The following PRMT8 variants were observed in gnomAD, a reference collection of about 807,000 sequenced individuals.
The protein encoded by PRMT8 is protein arginine N-methyltransferase 8.
A neutral mutation model predicts 47.1 loss-of-function variants in PRMT8; 7 were observed. That is an observed-to-expected ratio of 0.15 (90% CI 0.08 to 0.28). PRMT8 has a LOEUF of 0.28. Ranked by LOEUF, PRMT8 falls within the 10% of genes least tolerant of loss-of-function variation. PRMT8 has a pLI of 1.00. For synonymous variants in PRMT8, 188 were observed against 186.5 expected, an observed-to-expected ratio of 1.01 and a Z score of -0.07; for missense variants, 237 against 505.4, an observed-to-expected ratio of 0.47 and a Z score of 5.09.
intron 1 of PRMT8, among the ~76,000 whole-genome samples, chr12:3,410,864 C>T (rs1186013698): frequency 2.6e-5 from 4 of 152,182 alleles, no homozygotes; most frequent in Non-Finnish European, 5.9e-5. Context: ...CATAGCAATC[C>T]TGGTAGTAAA....
In PRMT8 at chr12:3,549,925, C is replaced by G. The variant is rs373812899; in HGVS notation, c.262-11C>G. 1.9e-6 allele frequency: 3 copies of G among 1,612,444 alleles called. No individual in the cohort carries two copies. In the African/African-American group the frequency reaches 4.0e-5, roughly 22 times the overall value. On this transcript the variant is annotated splice_polypyrimidine_tract_variant and intron_variant, in intron 2 of 9. Coordinates refer to ENST00000382622, the MANE Select transcript of PRMT8 (RefSeq NM_019854.5). Reference sequence around the variant, plus strand: ...TTCACTGACATTTCCTTTCTTTTCCCTCCATCACAGGAAATGCTGAAGGAT... The same window carrying G: ...TTCACTGACATTTCCTTTCTTTTCCGTCCATCACAGGAAATGCTGAAGGAT...
rs1056992941 is a variant in PRMT8, at chr12:3,583,375, G to A, written c.979+167G>A. On this transcript the variant is annotated intron_variant, in intron 8 of 9. Coordinates refer to ENST00000382622, the MANE Select transcript of PRMT8 (RefSeq NM_019854.5). The surrounding 1 kb of genome is among the most constrained non-coding windows in gnomAD (Gnocchi z 4.7). ...GGAGGAACCATGCATCCCTATATTT[G>A]TGCTGTCCAAGGAGAAGGTAAATAA... Among the ~76,000 whole-genome samples, 2 of 152,146 alleles carry A rather than the reference G, an allele frequency of 1.3e-5. No individual in the cohort carries two copies. The highest frequency in any genetic ancestry group is 4.8e-5 in the African/African-American group (2 of 41,432).
At chr12:3,462,207 T>TG (rs1865049758) in intron 1 of PRMT8, among the ~76,000 whole-genome samples, 1 of 152,084 alleles carries the variant, frequency 6.6e-6, no homozygotes, top group Admixed American at 6.5e-5. Flanking sequence ...TCCATGCTCC[T>TG]GCAAAAGACA....
At chr12:3,445,981 T>C (rs1043763266) in intron 1 of PRMT8, among the ~76,000 whole-genome samples, 1 of 152,084 alleles carries the variant, frequency 6.6e-6, no homozygotes, top group African/African-American at 2.4e-5. Flanking sequence ...AGAGACTAGA[T>C]TGATAAGCCT....
chr12:3,538,532 G>T lies in PRMT8; in HGVS notation c.76-2074G>T. 8.4e-6 allele frequency: 4 copies of T among 478,438 alleles called. No homozygotes were observed. The highest frequency in any genetic ancestry group is 6.2e-5 in the South Asian group (4 of 64,412). The allele number at this position is 478,438 out of a possible 1,614,324, so 29.6% of individuals were successfully genotyped here. ...GCCTGTGGAGTCCCAGGAAGCACAT[G>T]GAAAAGAGAGCCTTGGAACCAGAGT... On this transcript the variant is annotated intron_variant, in intron 1 of 9. Coordinates refer to ENST00000382622, the MANE Select transcript of PRMT8 (RefSeq NM_019854.5). This position sits in a 1 kb window ranked among gnomAD's most constrained non-coding sequence, Gnocchi z 4.6.
chr12:3,491,313 G>GCGCC lies in PRMT8; in HGVS notation c.-313_-312insCGCC. 9.3e-7 allele frequency: 1 copy of GCGCC among 1,070,248 alleles called. No homozygotes were observed. The highest frequency in any genetic ancestry group is 1.1e-6 in the Non-Finnish European group (1 of 884,912). 66.3% of individuals were successfully genotyped at this position (1,070,248 alleles called of 1,614,324 possible). A position where few individuals can be genotyped will look rare whatever the true frequency, so the allele number is the denominator to read the frequency against. Reference sequence around the variant, plus strand: ...CCGCGACCGCCGCCGCCGCCGCCGCGGAGGCTTCGGGGCTGCTTCCCTCGA... The same window carrying GCGCC: ...CCGCGACCGCCGCCGCCGCCGCCGCGCGCCGAGGCTTCGGGGCTGCTTCCCTCGA... On this transcript the variant is annotated 5_prime_UTR_variant, in exon 1 of 10. Transcript: ENST00000382622.
chr12:3,529,631 A>G (rs1865998488), intron 1 of PRMT8, among the ~76,000 whole-genome samples: 1 of 152,214 alleles, frequency 6.6e-6, no homozygotes, highest in African/African-American at 2.4e-5. Context: ...GGTTTGCTAG[A>G]ATTAGGTGGA....
intron 6 of PRMT8, among the ~76,000 whole-genome samples, chr12:3,575,553 G>A (rs1281780671): frequency 6.6e-6 from 1 of 152,196 alleles, no homozygotes; most frequent in East Asian, 1.9e-4. Flanking sequence ...CTGGGCTTGA[G>A]CCCTCGCCCC....
chr12:3,593,266 G>A lies in PRMT8; in HGVS notation c.*84G>A. 8.5e-7 allele frequency: 1 copy of A among 1,180,888 alleles called. No individual in the cohort carries two copies. The highest frequency in any genetic ancestry group is 2.5e-5 in the East Asian group (1 of 40,762). 73.2% of individuals were successfully genotyped at this position (1,180,888 alleles called of 1,614,324 possible). The stretch of plus-strand genomic sequence containing the variant: ...GCCGTCCCAAAGAATACCGTTTGCA[G>A]GACTACACACTTGAAAACCAGAGTT... On this transcript the variant is annotated 3_prime_UTR_variant, in exon 10 of 10. Coordinates refer to ENST00000382622, the MANE Select transcript of PRMT8 (RefSeq NM_019854.5). The surrounding 1 kb of genome is among the most constrained non-coding windows in gnomAD (Gnocchi z 4.8).
In PRMT8 at chr12:3,491,388, C is replaced by G. The variant is rs899758805; in HGVS notation, c.-238C>G. 8 of 1,212,894 alleles carry G rather than the reference C, an allele frequency of 6.6e-6. No individual in the cohort carries two copies. The highest frequency in any genetic ancestry group is 4.0e-5 in the Admixed American group (1 of 24,998). 75.1% of individuals were successfully genotyped at this position (1,212,894 alleles called of 1,614,324 possible). A position where few individuals can be genotyped will look rare whatever the true frequency, so the allele number is the denominator to read the frequency against. On this transcript the variant is annotated 5_prime_UTR_variant, in exon 1 of 10. Transcript: ENST00000382622. ...AGGGGCGGGGAGGGGGTCGGGGGCA[C>G]GAGAAGAACTTGAAACCGTGTGAAG...
chr12:3,472,869 G>T (rs1339815565), intron 1 of PRMT8, among the ~76,000 whole-genome samples: 1 of 152,106 alleles, frequency 6.6e-6, no homozygotes, highest in African/African-American at 2.4e-5. Flanking sequence ...GCAGGCAGGG[G>T]CTGTGTTCCA....
Position 3,593,599 on chromosome 12 carries a change from T to A in PRMT8, c.*417T>A, listed in dbSNP as rs1337694413. Reference sequence around the variant, plus strand: ...CTTTGATAGCATAAGCCAGATTATCTGTGTGTGCGGTGGTGTGCGTGTGCG... The same window carrying A: ...CTTTGATAGCATAAGCCAGATTATCAGTGTGTGCGGTGGTGTGCGTGTGCG... On this transcript the variant is annotated 3_prime_UTR_variant, in exon 10 of 10. Coordinates refer to ENST00000382622, the MANE Select transcript of PRMT8 (RefSeq NM_019854.5). This position sits in a 1 kb window ranked among gnomAD's most constrained non-coding sequence, Gnocchi z 4.8. The A allele has an allele frequency of 1.3e-5, 3 of 239,130 alleles. No individual in the cohort carries two copies. The highest frequency in any genetic ancestry group is 1.4e-3 in the Middle Eastern group (1 of 732). 14.8% of individuals were successfully genotyped at this position (239,130 alleles called of 1,614,324 possible). A position where few individuals can be genotyped will look rare whatever the true frequency, so the allele number is the denominator to read the frequency against.
chr12:3,495,424 C>T (rs1865490325), intron 1 of PRMT8, among the ~76,000 whole-genome samples: 1 of 152,202 alleles, frequency 6.6e-6, no homozygotes, highest in African/African-American at 2.4e-5. Flanking sequence ...GCATACTCTT[C>T]CCTCTGCCTG....
At chr12:3,491,189 G>GCAGGAAGCGTGTTGCTTCGCC, upstream of PRMT8, 1 of 991,338 alleles carries the variant, frequency 1.0e-6, no homozygotes, top group African/African-American at 1.7e-5. Context: ...GGAGAGACGC[G>GCAGGAAGCGTGTTGCTTCGCC]CAGGAAGCGT....
chr12:3,388,785 T>C (rs1206007503), intron 1 of PRMT8, among the ~76,000 whole-genome samples: 1 of 152,204 alleles, frequency 6.6e-6, no homozygotes, highest in Non-Finnish European at 1.5e-5. Context: ...TCTCGCTTGC[T>C]CCAGGCAAGA....
chr12:3,541,187 A>T (rs1866223398), intron 2 of PRMT8, among the ~76,000 whole-genome samples: 1 of 152,190 alleles, frequency 6.6e-6, no homozygotes. Context: ...GACCTTTCAG[A>T]GGTCATGATG....
At position 3,456,149 on chromosome 12, in the gene PRMT8, C is replaced by T. The variant is rs1425169566; in HGVS notation, c.48+74707C>T. Among the ~76,000 whole-genome samples the T allele has an allele frequency of 6.6e-6, 1 of 152,204 alleles. No individual in the cohort carries two copies. On this transcript the variant is annotated intron_variant, in intron 1 of 9. Coordinates refer to the PRMT8 transcript ENST00000452611. This position sits in a 1 kb window ranked among gnomAD's most constrained non-coding sequence, Gnocchi z 4.2. Reference sequence around the variant, plus strand: ...GCTAGGTGCTAAGAGTGCTTTTCTTCCTCACTTAAACCACATTTCCGATGA... The same window carrying T: ...GCTAGGTGCTAAGAGTGCTTTTCTTTCTCACTTAAACCACATTTCCGATGA...
chr12:3,387,456 T>C (rs1237736569), intron 1 of PRMT8, among the ~76,000 whole-genome samples: 1 of 152,170 alleles, frequency 6.6e-6, no homozygotes, highest in Admixed American at 6.5e-5. Context: ...GGCTCTGATG[T>C]CTCCCTGCTT....
intron 1 of PRMT8, among the ~76,000 whole-genome samples, chr12:3,458,523 G>A (rs58590975): frequency 0.031 from 4,779 of 152,322 alleles, 219 homozygotes; most frequent in African/African-American, 0.1. Context: ...CCTGTGAGCC[G>A]TGCTTGTTCC....
Sources: gnomAD v4.1 joint callset for allele counts (sites outside exome capture counted in the v4.1 genomes callset) on GRCh38, gnomAD v4.1.1 for gene constraint, Gnocchi (gnomAD v3.1) non-coding constraint, MANE v1.5 for transcripts, NCBI Gene and HGNC (gene_info 2026-07-23, HGNC 2026-07-21) for gene names.